The following RYR3 variants were observed in gnomAD, a reference collection of about 807,000 sequenced individuals.
RYR3 encodes the protein ryanodine receptor 3, also known as brain ryanodine receptor-calcium release channel.
Under a neutral mutation model 584.3 loss-of-function variants are expected in RYR3, and 207 were observed. The observed-to-expected ratio is 0.35, with a 90% CI of 0.32 to 0.40. The LOEUF is 0.40. Ranked by LOEUF, RYR3 falls within the 10% of genes least tolerant of loss-of-function variation. RYR3 has a pLI of 1.00. For synonymous variants in RYR3, 2,416 were observed against 2,248.5 expected (o/e 1.07, Z -2.11); for missense variants, 5,616 against 6,089.2 (o/e 0.92, Z 2.59).
intron 65 of RYR3, among the ~76,000 whole-genome samples, chr15:33,781,220 G>A (rs373194908): frequency 6.6e-6 from 1 of 152,190 alleles, no homozygotes; most frequent in Non-Finnish European, 1.5e-5. Flanking sequence ...GAATAGAGGA[G>A]CTTCAAGTAG....
At chr15:33,686,564 T>G (rs776024390) in intron 38 of RYR3, among the ~76,000 whole-genome samples, 11 of 152,320 alleles carry the variant, frequency 7.2e-5, no homozygotes, top group Admixed American at 3.3e-4. Flanking sequence ...GAATCCTCCC[T>G]TACTCATTTT....
At chr15:33,810,861 T>G (rs573635985) in intron 71 of RYR3, 117 bp from the exon 72 acceptor site, 4 of 1,131,176 alleles carry the variant, frequency 3.5e-6, no homozygotes, top group Middle Eastern at 3.9e-4. Flanking sequence ...TTTTTTCTTT[T>G]GTTCTTCTGA....
intron 86 of RYR3, among the ~76,000 whole-genome samples, chr15:33,833,798 T>C (rs570855419): frequency 6.6e-6 from 1 of 152,336 alleles, no homozygotes; most frequent in African/African-American, 2.4e-5. Flanking sequence ...GATTTGGGAA[T>C]GCAGGCAGTA....
chr15:33,347,500 G>A (rs1164365162), intron 1 of RYR3, among the ~76,000 whole-genome samples: 4 of 150,882 alleles, frequency 2.7e-5, no homozygotes, highest in African/African-American at 9.8e-5. Flanking sequence ...AGGCTGGAGT[G>A]CAGTGGTGCT....
chr15:33,768,318 C>G (rs1168746429), intron 60 of RYR3, among the ~76,000 whole-genome samples: 1 of 152,174 alleles, frequency 6.6e-6, no homozygotes, highest in East Asian at 1.9e-4. Context: ...TTCATTTATC[C>G]CTGAATGTCA....
At chr15:33,833,002 CAA>C (rs66477732) in intron 86 of RYR3, among the ~76,000 whole-genome samples, 8,815 of 112,554 alleles carry the variant, frequency 0.078, 466 homozygotes, top group African/African-American at 0.2. Context: ...AACTCTGTCT[CAA>C]AAAAAAAAAA....
chr15:33,341,185 C>T (rs113991481), intron 1 of RYR3, among the ~76,000 whole-genome samples: 7,481 of 152,172 alleles, frequency 0.049, 213 homozygotes, highest in Non-Finnish European at 0.066. Flanking sequence ...ACTACAGGTG[C>T]GCCCCACTGC....
Position 33,417,214 on chromosome 15 carries a change from A to G in RYR3, c.52-56205A>G, listed in dbSNP as rs1056110567. Reference sequence around the variant, plus strand: ...TATGAATTTTAGGACAGTTTTTTCTAATTCTGTAAAAAATAATATTGGTAA... The same window carrying G: ...TATGAATTTTAGGACAGTTTTTTCTGATTCTGTAAAAAATAATATTGGTAA... On this transcript the variant is annotated intron_variant, in intron 1 of 103. Transcript: ENST00000634891. Among the ~76,000 whole-genome samples the G allele has an allele frequency of 9.2e-5, 14 of 152,192 alleles. No individual in the cohort carries two copies. In the South Asian group the frequency reaches 2.9e-3, roughly 32 times the overall value.
At chr15:33,464,469 T>TATATATATAG (rs2048294409) in intron 1 of RYR3, among the ~76,000 whole-genome samples, 1 of 76,498 alleles carries the variant, frequency 1.3e-5, no homozygotes, top group Non-Finnish European at 2.4e-5. Context: ...TGGAGATATA[T>TATATATATAG]ATATATATAT....
At chr15:33,733,676 T>C (rs1329303394) in intron 48 of RYR3, among the ~76,000 whole-genome samples, 1 of 152,190 alleles carries the variant, frequency 6.6e-6, no homozygotes, top group African/African-American at 2.4e-5. Flanking sequence ...ATTAAATACT[T>C]GTCCAAACCA....
chr15:33,420,186 A>G (rs2044138236), intron 1 of RYR3, among the ~76,000 whole-genome samples: 1 of 152,202 alleles, frequency 6.6e-6, no homozygotes, highest in African/African-American at 2.4e-5. Flanking sequence ...TGTTTTAAGA[A>G]TTTGCATTGC....
chr15:33,810,767 C>T, intron 71 of RYR3, 118 bp downstream of exon 71: 1 of 1,309,888 alleles, frequency 7.6e-7, no homozygotes, highest in Non-Finnish European at 1.1e-6. Context: ...GCGCAGAAAC[C>T]AGTGTGTATG....
chr15:33,465,751 GT>G (rs758646065), intron 1 of RYR3: 2 of 519,064 alleles, frequency 3.9e-6, no homozygotes, highest in East Asian at 1.1e-4. Flanking sequence ...CTAGGTGGTG[GT>G]GGTGAAGAGG....
At chr15:33,349,126 G>A (rs1391910393) in intron 1 of RYR3, among the ~76,000 whole-genome samples, 2 of 42,642 alleles carry the variant, frequency 4.7e-5, no homozygotes, top group South Asian at 1.3e-3. Context: ...TTTTTTTTTT[G>A]CTAGATAATA....
chr15:33,794,006 C>T (rs1403750228), intron 67 of RYR3, among the ~76,000 whole-genome samples: 1 of 60,584 alleles, frequency 1.7e-5, no homozygotes, highest in Non-Finnish European at 4.1e-5. Context: ...ATATAATACA[C>T]ATAAATATAT....
chr15:33,324,704 T>C (rs1297935770), intron 1 of RYR3, among the ~76,000 whole-genome samples: 2 of 152,200 alleles, frequency 1.3e-5, no homozygotes, highest in Non-Finnish European at 2.9e-5. Context: ...AAAGAGTTGT[T>C]GAAAGAGTTA....
intron 1 of RYR3, among the ~76,000 whole-genome samples, chr15:33,355,419 C>T (rs1012225343): frequency 1.3e-5 from 2 of 152,094 alleles, no homozygotes; most frequent in Non-Finnish European, 2.9e-5. Flanking sequence ...TAGCAGCCTT[C>T]CCAGCAACCC....
intron 60 of RYR3, 143 bp from the exon 61 acceptor site, chr15:33,768,515 C>A (rs991901479): frequency 1.4e-6 from 1 of 725,498 alleles, no homozygotes; most frequent in Non-Finnish European, 2.5e-6. Flanking sequence ...CCAGAGGATT[C>A]TTTGCTAGGA....
At chr15:33,733,538 G>A (rs2069143480) in intron 48 of RYR3, among the ~76,000 whole-genome samples, 3 of 152,138 alleles carry the variant, frequency 2.0e-5, no homozygotes, top group South Asian at 2.1e-4. Context: ...ATGGCTTTCC[G>A]GAAAAGGCAA....
Sources: gnomAD v4.1 joint callset for allele counts (sites outside exome capture counted in the v4.1 genomes callset) on GRCh38, gnomAD v4.1.1 for gene constraint, MANE v1.5 for transcripts, NCBI Gene and HGNC (gene_info 2026-07-23, HGNC 2026-07-21) for gene names.